Variants in LRBA observed in about 807,000 individuals in gnomAD.
LRBA encodes the protein lipopolysaccharide-responsive and beige-like anchor protein.
A neutral mutation model predicts 330.0 loss-of-function variants in LRBA; 176 were observed. That is an observed-to-expected ratio of 0.53 (90% CI 0.47 to 0.60). The LOEUF is 0.60. Ranked by LOEUF, LRBA falls within the 20% of genes least tolerant of loss-of-function variation. LRBA has a pLI of 0.00. For synonymous variants in LRBA, 1,230 were observed against 1,193.0 expected, an observed-to-expected ratio of 1.03 and a Z score of -0.64; for missense variants, 3,259 against 3,444.8, an observed-to-expected ratio of 0.95 and a Z score of 1.35.
rs974170717 is a variant in LRBA, at chr4:150,852,659, T to C, written c.3051A>G (p.Glu1017=). 1 of 1,614,004 alleles carries C rather than the reference T, an allele frequency of 6.2e-7. No individual in the cohort carries two copies. The highest frequency in any genetic ancestry group is 8.5e-7 in the Non-Finnish European group (1 of 1,179,990). ...IELQTTNTSY[E]EMKAEQENQE... ...GATTTTCTTGCTCAGCTTTCATTTC[T>C]TCATAAGATGTATTAGTAGTTTGCA... is the stretch of plus-strand genomic sequence containing the variant. The change falls in exon 23 of 57, where the codon GAA becomes GAG. Residue 1017 remains glutamate (E), a synonymous_variant. Transcript: ENST00000651943.
chr4:150,848,835 C>G lies in LRBA; in HGVS notation c.4322G>C (p.Arg1441Pro). The change falls in exon 26 of 57, where the codon CGG (arginine) becomes CCG (proline). Residue 1441 changes from arginine to proline, a missense_variant. Transcript: ENST00000651943. Reference protein sequence around the residue: ...EKSMSSGGILRQCLRLVCAVA... With the variant: ...EKSMSSGGILPQCLRLVCAVA... ...CAGCTCACCTAGTCGGAGACACTGCCGCAAAATTCCTCCAGATGACATACT... is the reference window on the plus strand; with the variant it reads ...CAGCTCACCTAGTCGGAGACACTGCGGCAAAATTCCTCCAGATGACATACT... 1 of 1,605,046 alleles carries G rather than the reference C, an allele frequency of 6.2e-7. No homozygotes were observed. Among genetic ancestry groups the G allele is most frequent in the South Asian group, 1.1e-5 (1 of 89,406 alleles).
At chr4:150,788,841 G>A (rs1739477200) in intron 34 of LRBA, among the ~76,000 whole-genome samples, 1 of 151,742 alleles carries the variant, frequency 6.6e-6, no homozygotes, top group African/African-American at 2.4e-5. Flanking sequence ...TTGGGAGGCT[G>A]AGGCCAGTGG....
intron 40 of LRBA, among the ~76,000 whole-genome samples, chr4:150,552,286 T>C (rs533623103): frequency 8.9e-4 from 136 of 152,084 alleles, no homozygotes; most frequent in African/African-American, 3.1e-3. Flanking sequence ...TTAAGAATAT[T>C]ATACTTTTCA....
At position 150,583,182 on chromosome 4, in the gene LRBA, C is replaced by T; in HGVS notation, c.6330+4866G>A. The stretch of plus-strand genomic sequence containing the variant: ...AGGAAGTGGAGGTGCAGGAGCCTCG[C>T]TTCATCAGCTCCTTGAGCGAGATCG... On this transcript the variant is annotated intron_variant, in intron 40 of 56. Coordinates refer to ENST00000651943, the MANE Select transcript of LRBA (RefSeq NM_001364905.1). This position sits in a 1 kb window ranked among gnomAD's most constrained non-coding sequence, Gnocchi z 9.8. 1 of 1,614,228 alleles carries T rather than the reference C, an allele frequency of 6.2e-7. No individual in the cohort carries two copies. The highest frequency in any genetic ancestry group is 2.2e-5 in the East Asian group (1 of 44,872).
intron 39 of LRBA, 47 bp from the exon 40 acceptor site, chr4:150,588,231 C>A: frequency 6.5e-7 from 1 of 1,538,466 alleles, no homozygotes; most frequent in Non-Finnish European, 8.7e-7. Flanking sequence ...TGACATTTTT[C>A]AAAAAATCAA....
At chr4:150,629,710 C>G (rs1473541416) in intron 37 of LRBA, among the ~76,000 whole-genome samples, 1 of 152,054 alleles carries the variant, frequency 6.6e-6, no homozygotes, top group Admixed American at 6.6e-5. Flanking sequence ...TGGCTCACGC[C>G]TGTAATCCCA....
rs889876803 is a variant in LRBA at position 150,273,638 on chromosome 4, G to GA, written c.8468+4214dup. On this transcript the variant is annotated intron_variant, in intron 56 of 56. Transcript: ENST00000651943. ...GGAAGATTTTCCAAGCAAATGGAAA[G>GA]AAAAAAAAAAAGCAGGGTTGCAATC... 6.5e-3 allele frequency among the ~76,000 whole-genome samples: 893 copies of GA among 136,678 alleles called. 9 individuals are homozygous for GA. Among genetic ancestry groups the GA allele is most frequent in the African/African-American group, 0.021 (789 of 37,382 alleles). 89.7% of individuals were successfully genotyped at this position (136,678 alleles called of 152,430 possible). A position where few individuals can be genotyped will look rare whatever the true frequency, so the allele number is the denominator to read the frequency against.
At chr4:150,639,360 T>TAAAAAAAAAAAAGAAA (rs1297718980) in intron 37 of LRBA, among the ~76,000 whole-genome samples, 5 of 106,660 alleles carry the variant, frequency 4.7e-5, no homozygotes, top group South Asian at 3.3e-4. Flanking sequence ...TAAAGTATAA[T>TAAAAAAAAAAAAGAAA]AAAAAAAAAA....
chr4:150,298,750 A>G (rs1023900770), intron 53 of LRBA, among the ~76,000 whole-genome samples: 5 of 152,080 alleles, frequency 3.3e-5, no homozygotes, highest in African/African-American at 1.2e-4. Context: ...GATTGCAATG[A>G]GGAAAAGAAA....
At chr4:150,761,991 C>CCTG in intron 34 of LRBA, 144 bp from the exon 35 acceptor site, 1 of 570,610 alleles carries the variant, frequency 1.8e-6, no homozygotes, top group South Asian at 2.7e-5. Flanking sequence ...ACAGGTAATA[C>CCTG]TGAAAAGTAT....
intron 2 of LRBA, among the ~76,000 whole-genome samples, chr4:150,973,813 C>T (rs137975896): frequency 6.6e-6 from 1 of 152,160 alleles, no homozygotes; most frequent in African/African-American, 2.4e-5. Flanking sequence ...GGCAAAATAG[C>T]GAGACCCTGT....
chr4:150,590,839 C>T lies in LRBA; in HGVS notation c.6067G>A (p.Ala2023Thr), dbSNP rs779787974. Residue 2023 changes from alanine (A) to threonine (T), a missense_variant, in exon 39 of 57, where the codon GCT becomes ACT. Coordinates refer to ENST00000651943, the MANE Select transcript of LRBA (RefSeq NM_001364905.1). ...VEHATDEDIL[A>T]KGKQSIRSQA... Reference sequence around the variant, plus strand: ...CTCCTGATGGACTGTTTTCCTTTAGCAAGGATATCTTCATCTGTGGCTGAA... The same window carrying T: ...CTCCTGATGGACTGTTTTCCTTTAGTAAGGATATCTTCATCTGTGGCTGAA... 12 of 1,613,704 alleles carry T rather than the reference C, an allele frequency of 7.4e-6. No homozygotes were observed. The highest frequency in any genetic ancestry group is 9.3e-6 in the Non-Finnish European group (11 of 1,179,758).
At position 150,950,813 on chromosome 4, in the gene LRBA, G is replaced by A. The variant is rs149437918; in HGVS notation, c.217-21748C>T. 9.5e-3 allele frequency among the ~76,000 whole-genome samples: 1,445 copies of A among 152,164 alleles called. 6 individuals are homozygous for A. The highest frequency in any genetic ancestry group is 0.024 in the Middle Eastern group (7 of 292). On this transcript the variant is annotated intron_variant, in intron 2 of 56. Coordinates refer to ENST00000651943, the MANE Select transcript of LRBA (RefSeq NM_001364905.1). ...GAAAGTCTCAGTACCTCACACCCAG[G>A]TCACAGAGAGGTCACTTAAGTCAGG... is the stretch of plus-strand genomic sequence containing the variant.
chr4:150,979,483 T>A (rs185727634), intron 2 of LRBA, among the ~76,000 whole-genome samples: 1 of 152,168 alleles, frequency 6.6e-6, no homozygotes, highest in East Asian at 1.9e-4. Flanking sequence ...ACAGTAAGCA[T>A]ACAGAAAAAC....
intron 35 of LRBA, among the ~76,000 whole-genome samples, chr4:150,741,412 A>G (rs1175612533): frequency 6.6e-6 from 1 of 152,206 alleles, no homozygotes. Context: ...AAAGTTGTTC[A>G]GGATTACTAG....
chr4:150,835,698 T>TG (rs1747937002), intron 28 of LRBA, among the ~76,000 whole-genome samples: 1 of 152,210 alleles, frequency 6.6e-6, no homozygotes, highest in Non-Finnish European at 1.5e-5. Context: ...AAGGAGATTT[T>TG]GGGCTGAGAT....
chr4:150,443,119 A>G (rs537926612), intron 44 of LRBA, among the ~76,000 whole-genome samples: 3 of 152,304 alleles, frequency 2.0e-5, no homozygotes, highest in Middle Eastern at 6.8e-3. Context: ...GTAAATGACT[A>G]TCAGTGGTTG....
intron 46 of LRBA, among the ~76,000 whole-genome samples, chr4:150,431,583 T>C (rs947356348): frequency 1.3e-5 from 2 of 152,238 alleles, no homozygotes; most frequent in Non-Finnish European, 2.9e-5. Context: ...AAATATCTAA[T>C]AATTTTATAT....
intron 36 of LRBA, among the ~76,000 whole-genome samples, chr4:150,695,031 T>C (rs1309942236): frequency 6.6e-6 from 1 of 152,184 alleles, no homozygotes; most frequent in African/African-American, 2.4e-5. Context: ...ATATTTTGTT[T>C]TCATTATTTC....
Sources: allele counts gnomAD v4.1 joint callset (sites outside exome capture counted in the v4.1 genomes callset), GRCh38; gene constraint gnomAD v4.1.1; non-coding constraint Gnocchi (gnomAD v3.1); transcripts MANE v1.5; gene names NCBI Gene and HGNC (gene_info 2026-07-23, HGNC 2026-07-21).